Variants in AATF observed in about 807,000 individuals in gnomAD.
AATF encodes the protein apoptosis antagonizing transcription factor.
A neutral mutation model predicts 63.7 loss-of-function variants in AATF; 48 were observed. That is an observed-to-expected ratio of 0.75 (90% CI 0.60 to 0.96). AATF has a LOEUF of 0.96. Ranked by LOEUF, AATF falls within the 40% of genes least tolerant of loss-of-function variation. The probability of loss-of-function intolerance (pLI) is 0.00; values close to 1 mark genes in which losing one functional copy is unlikely to be tolerated. For synonymous variants in AATF, 258 were observed against 247.7 expected (o/e 1.04, Z -0.39); for missense variants, 639 against 685.7 (o/e 0.93, Z 0.76).
intron 11 of AATF, among the ~76,000 whole-genome samples, chr17:37,036,919 A>G (rs2071596882): frequency 6.6e-6 from 1 of 152,006 alleles, no homozygotes; most frequent in Admixed American, 6.5e-5. Flanking sequence ...GGAGGAGGTT[A>G]CCATAAGCCT....
intron 7 of AATF, 115 bp downstream of exon 7, chr17:36,989,526 C>A: frequency 1.8e-6 from 2 of 1,097,660 alleles, no homozygotes; most frequent in Non-Finnish European, 2.5e-6. Flanking sequence ...GAAAGGAAAG[C>A]AACACTACTT....
chr17:37,052,847 C>G (rs1459878574), intron 11 of AATF: 1 of 152,222 alleles, frequency 6.6e-6, no homozygotes, highest in East Asian at 1.9e-4. Flanking sequence ...CGCCTAAGGA[C>G]TAGAGGACAA....
At chr17:37,040,876 C>T (rs2142312347) in intron 11 of AATF, among the ~76,000 whole-genome samples, 1 of 152,282 alleles carries the variant, frequency 6.6e-6, no homozygotes, top group African/African-American at 2.4e-5. Context: ...ATTCTGGTTA[C>T]AAAGACCTTA....
rs1409582775 is a variant in AATF at position 36,950,401 on chromosome 17, G to A, written c.279G>A (p.Ser93=). The change falls in exon 2 of 12, where the codon TCG becomes TCA. Residue 93 remains serine (S), a synonymous_variant. Transcript: ENST00000619387. ...ATTGGGAGCAGACTCTGCCAGGATC[G>A]TCTGGTGAGTAGACATTTTTGAATG... ...EDHWEQTLPG[S]SDEEISDEEG... The A allele has an allele frequency of 3.1e-6, 5 of 1,613,476 alleles. No homozygotes were observed. Among genetic ancestry groups the A allele is most frequent in the East Asian group, 4.5e-5 (2 of 44,878 alleles).
chr17:36,974,162 A>G (rs1651696408), intron 4 of AATF, among the ~76,000 whole-genome samples: 1 of 151,978 alleles, frequency 6.6e-6, no homozygotes, highest in Non-Finnish European at 1.5e-5. Context: ...AGTATTTTTA[A>G]TATTTTGGTA....
intron 8 of AATF, among the ~76,000 whole-genome samples, chr17:37,001,196 G>A (rs2142263192): frequency 6.6e-6 from 1 of 152,142 alleles, no homozygotes; most frequent in Non-Finnish European, 1.5e-5. Context: ...GTCCATGCCT[G>A]TAGTCCCAGC....
At chr17:37,046,975 C>G (rs890493544) in intron 11 of AATF, among the ~76,000 whole-genome samples, 1 of 152,100 alleles carries the variant, frequency 6.6e-6, no homozygotes, top group South Asian at 2.1e-4. Context: ...GTCACAAAAC[C>G]GTAAACACAA....
chr17:36,956,959 A>G (rs1407141920), intron 4 of AATF, among the ~76,000 whole-genome samples: 1 of 151,958 alleles, frequency 6.6e-6, no homozygotes, highest in Non-Finnish European at 1.5e-5. Context: ...CTGAGCGACA[A>G]GAGCGAAACT....
chr17:36,963,770 G>A (rs990488831), intron 4 of AATF, among the ~76,000 whole-genome samples: 1 of 152,202 alleles, frequency 6.6e-6, no homozygotes, highest in Admixed American at 6.5e-5. Flanking sequence ...GCTGCTAATG[G>A]AAGTAAGATG....
At chr17:37,056,345 A>G (rs2071797727) in intron 11 of AATF, 1 of 477,012 alleles carries the variant, frequency 2.1e-6, no homozygotes, top group African/African-American at 2.0e-5. Context: ...GCCTGTCTGC[A>G]AAGGGCAAAC....
chr17:37,001,248 A>T (rs532336132), intron 8 of AATF, among the ~76,000 whole-genome samples: 23 of 151,602 alleles, frequency 1.5e-4, no homozygotes, highest in African/African-American at 5.6e-4. Flanking sequence ...TGAGGTTGGG[A>T]GGTTGAGGCT....
At chr17:36,956,563 C>G (rs143529400) in intron 4 of AATF, among the ~76,000 whole-genome samples, 2 of 151,952 alleles carry the variant, frequency 1.3e-5, no homozygotes, top group African/African-American at 4.8e-5. Flanking sequence ...ATCTCAGCTA[C>G]TCGGGAGGCT....
In AATF at chr17:36,953,067, T is replaced by G. The variant is rs1225842661; in HGVS notation, c.465T>G (p.Ser155Arg). ...CGGGCTTCAGTGTCCAGAGTATCAG[T>G]GACTTTGAGAAATTTACCAAGGGAA... ...KTPGFSVQSI[S>R]DFEKFTKGMD... The change falls in exon 3 of 12, where the codon AGT becomes AGG. Residue 155 changes from serine (S) to arginine (R), a missense_variant. Physicochemically the swap from Ser to Arg is moderately radical, Grantham distance 110. Coordinates refer to ENST00000619387, the MANE Select transcript of AATF (RefSeq NM_012138.4). 6.2e-7 allele frequency: 1 copy of G among 1,614,056 alleles called. No homozygotes were observed. Among genetic ancestry groups the G allele is most frequent in the Non-Finnish European group, 8.5e-7 (1 of 1,180,032 alleles).
At chr17:36,972,325 A>G (rs2071045603) in intron 4 of AATF, among the ~76,000 whole-genome samples, 1 of 152,184 alleles carries the variant, frequency 6.6e-6, no homozygotes, top group Non-Finnish European at 1.5e-5. Context: ...TCTCTCTTTG[A>G]TAAGTGATAT....
At chr17:37,021,102 C>T (rs914667638) in intron 10 of AATF, 88 bp downstream of exon 10, 3 of 946,812 alleles carry the variant, frequency 3.2e-6, no homozygotes, top group Non-Finnish European at 4.6e-6. Flanking sequence ...TTTTCTTTTT[C>T]TTCTGATGAT....
At chr17:36,975,905 T>C (rs180859357) in intron 4 of AATF, among the ~76,000 whole-genome samples, 1 of 152,366 alleles carries the variant, frequency 6.6e-6, no homozygotes, top group Non-Finnish European at 1.5e-5. Context: ...TTCTCTGATG[T>C]ACATGGGCTT....
intron 4 of AATF, among the ~76,000 whole-genome samples, chr17:36,957,656 G>C (rs1170114417): frequency 1.3e-5 from 2 of 152,196 alleles, no homozygotes; most frequent in Non-Finnish European, 2.9e-5. Flanking sequence ...TTGGCTTGGT[G>C]ACACTACCTG....
At chr17:37,007,313 A>C (rs941722851) in intron 8 of AATF, among the ~76,000 whole-genome samples, 1 of 151,222 alleles carries the variant, frequency 6.6e-6, no homozygotes, top group African/African-American at 2.4e-5. Flanking sequence ...TCAGCCTCCT[A>C]AGTAGCTAGG....
intron 11 of AATF, among the ~76,000 whole-genome samples, chr17:37,035,369 C>T (rs1028658657): frequency 6.7e-6 from 1 of 150,062 alleles, no homozygotes; most frequent in Admixed American, 6.6e-5. Flanking sequence ...CAGGCGTGCA[C>T]CACCATGCAC....
Sources: gnomAD v4.1 joint callset for allele counts (sites outside exome capture counted in the v4.1 genomes callset) on GRCh38, gnomAD v4.1.1 for gene constraint, MANE v1.5 for transcripts, NCBI Gene and HGNC (gene_info 2026-07-23, HGNC 2026-07-21) for gene names.